The following SHB variants were observed in gnomAD, a reference collection of about 807,000 sequenced individuals.
SHB encodes SH2 domain containing adaptor protein B.
In SHB, 20 loss-of-function variants were observed where a neutral mutation model predicts 52.3. The ratio of observed to expected loss-of-function variants is 0.38; its 90% confidence interval spans 0.27 to 0.56. The LOEUF is 0.56. Ranked by LOEUF, SHB falls within the 20% of genes least tolerant of loss-of-function variation. The probability of loss-of-function intolerance (pLI) is 0.71; values close to 1 mark genes in which losing one functional copy is unlikely to be tolerated. For synonymous variants in SHB, 397 were observed against 316.5 expected, an observed-to-expected ratio of 1.25 and a Z score of -2.70; for missense variants, 825 against 723.3, an observed-to-expected ratio of 1.14 and a Z score of -1.61.
At chr9:37,978,865 A>G (rs1820687830) in intron 2 of SHB, among the ~76,000 whole-genome samples, 1 of 152,220 alleles carries the variant, frequency 6.6e-6, no homozygotes, top group Non-Finnish European at 1.5e-5. Flanking sequence ...GAAAAAATGT[A>G]ATTAAGATGA....
chr9:38,066,985 G>A (rs1429931395), intron 1 of SHB, among the ~76,000 whole-genome samples: 2 of 152,126 alleles, frequency 1.3e-5, no homozygotes, highest in Non-Finnish European at 2.9e-5. Context: ...TCAAAACACT[G>A]CCTTCCACCA....
intron 4 of SHB, 105 bp downstream of exon 4, chr9:37,955,778 A>G (rs1832623541): frequency 8.7e-7 from 1 of 1,148,380 alleles, no homozygotes; most frequent in East Asian, 2.5e-5. Context: ...GTGAGCCACC[A>G]CGCCCGGCCC....
intron 3 of SHB, among the ~76,000 whole-genome samples, chr9:37,964,457 C>A (rs911628705): frequency 6.6e-6 from 1 of 152,178 alleles, no homozygotes; most frequent in African/African-American, 2.4e-5. Flanking sequence ...ACCCTAAGAT[C>A]TGATGCTTGA....
intron 1 of SHB, among the ~76,000 whole-genome samples, chr9:38,046,589 G>A (rs562731893): frequency 3.3e-5 from 5 of 152,252 alleles, no homozygotes; most frequent in South Asian, 2.1e-4. Flanking sequence ...AACTGCCCAC[G>A]GCTTTTCCAA....
intron 3 of SHB, among the ~76,000 whole-genome samples, chr9:37,973,215 G>A (rs1820611663): frequency 6.6e-6 from 1 of 152,118 alleles, no homozygotes; most frequent in South Asian, 2.1e-4. Flanking sequence ...TATAAACAGT[G>A]CCTTTTCCGA....
At chr9:37,947,648 G>A (rs754550387) in intron 5 of SHB, among the ~76,000 whole-genome samples, 4 of 152,214 alleles carry the variant, frequency 2.6e-5, no homozygotes, top group South Asian at 4.1e-4. Context: ...GGGGTCAGTC[G>A]TGAGCAGAGA....
At chr9:37,957,629 C>T (rs1832650789) in intron 3 of SHB, among the ~76,000 whole-genome samples, 1 of 152,208 alleles carries the variant, frequency 6.6e-6, no homozygotes, top group African/African-American at 2.4e-5. Flanking sequence ...GATGACACTC[C>T]TAACCACTTA....
At chr9:37,946,633 G>A (rs1046853754) in intron 5 of SHB, among the ~76,000 whole-genome samples, 1 of 152,196 alleles carries the variant, frequency 6.6e-6, no homozygotes, top group South Asian at 2.1e-4. Flanking sequence ...CCTCTGCCTA[G>A]AAGAACAGGA....
chr9:38,067,115 T>G (rs1282110699), intron 1 of SHB, among the ~76,000 whole-genome samples: 2 of 151,962 alleles, frequency 1.3e-5, no homozygotes, highest in Non-Finnish European at 2.9e-5. Flanking sequence ...GGAATCTAGG[T>G]GGCCTAATGC....
intron 4 of SHB, among the ~76,000 whole-genome samples, chr9:37,953,724 G>A (rs1011484547): frequency 2.6e-5 from 4 of 152,188 alleles, no homozygotes; most frequent in African/African-American, 9.7e-5. Flanking sequence ...CAGACTGGAA[G>A]GCGCCTCCTG....
At chr9:38,015,624 G>A (rs1821199961) in intron 2 of SHB, 2 of 600,060 alleles carry the variant, frequency 3.3e-6, no homozygotes, top group Non-Finnish European at 5.9e-6. Flanking sequence ...GACCCAGCCT[G>A]CTTCCCTTTT....
intron 5 of SHB, among the ~76,000 whole-genome samples, chr9:37,938,718 A>C (rs1437994678): frequency 6.6e-6 from 1 of 152,210 alleles, no homozygotes; most frequent in Non-Finnish European, 1.5e-5. Flanking sequence ...GGTAAAACAA[A>C]GGGCACTGCT....
chr9:37,998,059 T>A (rs1006953970), intron 2 of SHB, among the ~76,000 whole-genome samples: 5 of 152,212 alleles, frequency 3.3e-5, no homozygotes, highest in African/African-American at 1.2e-4. Flanking sequence ...TGCATTCTGC[T>A]GTGGTGGAGC....
intron 2 of SHB, among the ~76,000 whole-genome samples, chr9:37,998,367 C>A (rs572901613): frequency 1.3e-4 from 20 of 152,214 alleles, no homozygotes; most frequent in Non-Finnish European, 2.4e-4. Context: ...CAACCTCCCC[C>A]ACCACCCTCA....
chr9:37,918,428 T>C lies in SHB; in HGVS notation c.*1393A>G, dbSNP rs1174980655. ...AGTGTGGACCACTGAGGGCTGTGTG[T>C]GTGTGTGTGTGTGTGTGTAGGTGTT... On this transcript the variant is annotated 3_prime_UTR_variant, in exon 6 of 6. Transcript: ENST00000377707. 2.8e-5 allele frequency among the ~76,000 whole-genome samples: 3 copies of C among 107,852 alleles called. No individual in the cohort carries two copies. The highest frequency in any genetic ancestry group is 1.1e-4 in the African/African-American group (3 of 26,980). 70.8% of individuals were successfully genotyped at this position (107,852 alleles called of 152,430 possible).
chr9:37,934,313 A>T (rs1832344839), intron 5 of SHB, among the ~76,000 whole-genome samples: 1 of 152,030 alleles, frequency 6.6e-6, no homozygotes, highest in Non-Finnish European at 1.5e-5. Flanking sequence ...CTGTGGTGGG[A>T]AAGGATGGGG....
At chr9:37,995,392 T>C (rs1021822133) in intron 2 of SHB, among the ~76,000 whole-genome samples, 9 of 147,036 alleles carry the variant, frequency 6.1e-5, no homozygotes, top group Non-Finnish European at 1.2e-4. Context: ...GTATACCTGC[T>C]GGCCTCTGGG....
At chr9:37,963,078 GC>G (rs202008812) in intron 3 of SHB, among the ~76,000 whole-genome samples, 3,665 of 152,276 alleles carry the variant, frequency 0.024, 68 homozygotes, top group Non-Finnish European at 0.038. Context: ...ACCCAGGAGT[GC>G]CTTCCCCGGC....
intron 1 of SHB, among the ~76,000 whole-genome samples, chr9:38,049,758 G>C (rs1180921296): frequency 6.6e-6 from 1 of 151,394 alleles, no homozygotes; most frequent in Admixed American, 6.6e-5. Flanking sequence ...TTCCCTCATA[G>C]GCCCCTAGGC....
Sources: allele counts gnomAD v4.1 joint callset (sites outside exome capture counted in the v4.1 genomes callset), GRCh38; gene constraint gnomAD v4.1.1; transcripts MANE v1.5; gene names NCBI Gene and HGNC (gene_info 2026-07-23, HGNC 2026-07-21).